The following ZNF177 variants were observed in gnomAD, a reference collection of about 807,000 sequenced individuals.
The protein encoded by ZNF177 is zinc finger protein 177.
A neutral mutation model predicts 19.4 loss-of-function variants in ZNF177; 17 were observed. The ratio of observed to expected loss-of-function variants is 0.87; its 90% CI spans 0.60 to 1.31. The LOEUF (loss-of-function observed/expected upper bound fraction) is 1.31. ZNF177 is among the 40% of genes most tolerant of loss of function. The probability of loss-of-function intolerance (pLI) is 0.00; values close to 1 mark genes in which losing one functional copy is unlikely to be tolerated. For synonymous variants in ZNF177, 220 were observed against 188.7 expected, an observed-to-expected ratio of 1.17 and a Z score of -1.36; for missense variants, 633 against 561.8, an observed-to-expected ratio of 1.13 and a Z score of -1.28.
intron 2 of ZNF177, among the ~76,000 whole-genome samples, chr19:9,369,119 G>C (rs1057389589): frequency 2.6e-5 from 4 of 152,024 alleles, no homozygotes; most frequent in African/African-American, 9.7e-5. Context: ...TGTGCTTCAA[G>C]AATCTATGTA....
exon 3 of ZNF177, chr19:9,379,020 T>C (rs1328835173): frequency 6.2e-7 from 1 of 1,611,616 alleles, no homozygotes; most frequent in Non-Finnish European, 8.5e-7. Flanking sequence ...TGGGCATTGC[T>C]GGACCCTGCT....
At chr19:9,367,960 T>C (rs2068001845) in intron 2 of ZNF177, among the ~76,000 whole-genome samples, 1 of 152,214 alleles carries the variant, frequency 6.6e-6, no homozygotes, top group African/African-American at 2.4e-5. Context: ...ACAAATTACA[T>C]TGAAGTGTAG....
In ZNF177 at chr19:9,380,793, C is replaced by A. The variant is rs984764775; in HGVS notation, c.462C>A (p.Ser154Arg). Residue 154 changes from serine to arginine, a missense_variant, in exon 6 of 6, where the codon AGC (serine) becomes AGA (arginine). Ser to Arg is a moderately radical substitution (Grantham distance 110). Transcript: ENST00000589262. The stretch of plus-strand genomic sequence containing the variant: ...AATGCTATAAATATATAAAGTATAG[C>A]AAAGTCTTCAACCATCCCTCAACTC... 18 of 1,535,938 alleles carry A rather than the reference C, an allele frequency of 1.2e-5. No individual in the cohort carries two copies. The African/African-American group carries it at 2.2e-4, about 19-fold the overall frequency.
chr19:9,363,294 A>G (rs1599379992), intron 1 of ZNF177: 1 of 152,324 alleles, frequency 6.6e-6, no homozygotes, highest in African/African-American at 2.4e-5. Flanking sequence ...GGGAGGAGGC[A>G]AGTGGGTTCA....
intron 5 of ZNF177, 56 bp downstream of exon 7, chr19:9,380,195 A>G (rs576307624): frequency 1.3e-6 from 2 of 1,546,060 alleles, no homozygotes; most frequent in African/African-American, 1.4e-5. Flanking sequence ...GGGAATCTGA[A>G]TGAGTTAAAA....
chr19:9,367,647 G>A (rs2067998036), intron 2 of ZNF177, among the ~76,000 whole-genome samples: 1 of 152,104 alleles, frequency 6.6e-6, no homozygotes, highest in African/African-American at 2.4e-5. Flanking sequence ...AAGTGGCCTT[G>A]TCATGTTTGA....
chr19:9,382,580 T>TACATCTAATA (rs1483129624), downstream of ZNF177: 29 of 394,534 alleles, frequency 7.4e-5, no homozygotes, highest in Admixed American at 1.1e-3. Context: ...TCCCAACTGT[T>TACATCTAATA]ACATCTAATA....
At chr19:9,378,650 A>G (rs1254689787) in intron 2 of ZNF177, 2 of 569,842 alleles carry the variant, frequency 3.5e-6, no homozygotes, top group Non-Finnish European at 6.0e-6. Context: ...TTCCTACAGT[A>G]TGCCCTGTCT....
chr19:9,379,284 G>A, intron 3 of ZNF177, 196 bp downstream of exon 5: 6 of 1,131,720 alleles, frequency 5.3e-6, no homozygotes, highest in Non-Finnish European at 7.2e-6. Context: ...AATAGCTTAA[G>A]GTAATTTGCA....
intron 2 of ZNF177, among the ~76,000 whole-genome samples, chr19:9,368,154 G>C (rs1323116471): frequency 6.6e-6 from 1 of 152,174 alleles, no homozygotes; most frequent in Non-Finnish European, 1.5e-5. Context: ...AGTGAGTTAA[G>C]CTGGGAAGAC....
chr19:9,363,437 A>AT (rs1568379020), intron 1 of ZNF177: 2 of 152,228 alleles, frequency 1.3e-5, no homozygotes, highest in African/African-American at 4.8e-5. Context: ...GTTAGAAGGC[A>AT]TATCTTGGGA....
rs2068150938 is a variant in ZNF177, at chr19:9,379,015, AT to A, written c.89del (p.Leu30CysfsTer13). ...TGGACTTTTCCCAGGAGGAGTGGGCATTGCTGGACCCTGCTCAAAAAAATCT... is the reference window on the plus strand; with the variant it reads ...TGGACTTTTCCCAGGAGGAGTGGGCATGCTGGACCCTGCTCAAAAAAATCT... On this transcript the variant is annotated frameshift_variant, in exon 3 of 6. Coordinates refer to ENST00000589262, the Ensembl canonical transcript of ZNF177. LOFTEE classifies it high-confidence loss of function. 1 of 1,610,706 alleles carries A rather than the reference AT, an allele frequency of 6.2e-7. No individual in the cohort carries two copies. Among genetic ancestry groups the A allele is most frequent in the African/African-American group, 1.3e-5 (1 of 74,866 alleles).
chr19:9,381,392 C>G (rs980917204), exon 6 of ZNF177: 3 of 1,613,008 alleles, frequency 1.9e-6, no homozygotes, highest in Admixed American at 1.7e-5. Context: ...GTTCCTTCAT[C>G]CCTTCAGAAA....
chr19:9,373,045 A>G (rs1412692019), upstream of ZNF177, among the ~76,000 whole-genome samples: 1 of 152,184 alleles, frequency 6.6e-6, no homozygotes, highest in Non-Finnish European at 1.5e-5. Flanking sequence ...GAAAATTTCA[A>G]ATATACAGTA....
At chr19:9,378,295 A>G (rs779097445) in exon 2 of ZNF177, 59 of 1,613,452 alleles carry the variant, frequency 3.7e-5, no homozygotes, top group Non-Finnish European at 4.9e-5. Context: ...CCAGGAAGGA[A>G]ACCTACAGGA....
upstream of ZNF177, among the ~76,000 whole-genome samples, chr19:9,373,680 G>A (rs993498366): frequency 2.0e-5 from 3 of 152,016 alleles, no homozygotes; most frequent in South Asian, 2.1e-4. Context: ...TGATTGGTAC[G>A]TCCCTAATAA....
exon 2 of ZNF177, chr19:9,378,320 A>G (rs1343622587): frequency 6.8e-6 from 11 of 1,613,616 alleles, no homozygotes; most frequent in African/African-American, 1.3e-5. Flanking sequence ...GAATGGCTGC[A>G]GGGTGGCTGA....
chr19:9,378,906 G>A, intron 2 of ZNF177, 56 bp from the exon 5 acceptor site: 1 of 1,540,078 alleles, frequency 6.5e-7, no homozygotes, highest in Non-Finnish European at 8.8e-7. Context: ...CCATTCTCCT[G>A]GTACATTGTC....
At chr19:9,380,097 G>A (rs141144143) in exon 5 of ZNF177, 39 of 1,611,964 alleles carry the variant, frequency 2.4e-5, no homozygotes, top group Non-Finnish European at 2.9e-5. Context: ...CAATTGCTAT[G>A]CAGAACATTC....
Sources: gnomAD v4.1 joint callset for allele counts (sites outside exome capture counted in the v4.1 genomes callset) on GRCh38, gnomAD v4.1.1 for gene constraint, MANE v1.5 for transcripts, NCBI Gene and HGNC (gene_info 2026-07-23, HGNC 2026-07-21) for gene names.